Variants in KIF17 observed in about 807,000 individuals in gnomAD.
KIF17 encodes the protein kinesin family member 17, also known as kinesin-like protein KIF17.
In KIF17, 80 loss-of-function variants were observed where a neutral mutation model predicts 96.8. The observed-to-expected ratio is 0.83, with a 90% confidence interval of 0.69 to 1.00. The LOEUF (loss-of-function observed/expected upper bound fraction) is 1.00, where lower values mean the gene tolerates loss of function less well. Ranked by LOEUF, KIF17 falls within the 50% of genes least tolerant of loss-of-function variation. The pLI is 0.00. For synonymous variants in KIF17, 567 were observed against 587.5 expected (o/e 0.97, Z 0.51); for missense variants, 1,280 against 1,372.9 (o/e 0.93, Z 1.07).
intron 13 of KIF17, among the ~76,000 whole-genome samples, chr1:20,668,318 A>T (rs879821668): frequency 1.5e-4 from 23 of 152,192 alleles, no homozygotes; most frequent in Non-Finnish European, 2.8e-4. Context: ...TCAAAAAAAA[A>T]AAAAGAGGTG....
At chr1:20,681,142 C>T (rs1279505377) in intron 11 of KIF17, among the ~76,000 whole-genome samples, 13 of 148,334 alleles carry the variant, frequency 8.8e-5, no homozygotes, top group Non-Finnish European at 1.6e-4. Flanking sequence ...AAAAAAAATC[C>T]AGGAAAATAA....
intron 13 of KIF17, among the ~76,000 whole-genome samples, chr1:20,667,782 C>T (rs528016532): frequency 2.6e-5 from 4 of 152,230 alleles, no homozygotes; most frequent in South Asian, 2.1e-4. Flanking sequence ...CCAAGGCAGG[C>T]GGATCACCTG....
At position 20,696,880 on chromosome 1, in the gene KIF17, G is replaced by A. The variant is rs184937394; in HGVS notation, c.1233+1499C>T. Among the ~76,000 whole-genome samples, 168 of 152,254 alleles carry A rather than the reference G, an allele frequency of 1.1e-3. 1 individual carries two copies. The highest frequency in any genetic ancestry group is 3.9e-3 in the African/African-American group (164 of 41,542). The stretch of plus-strand genomic sequence containing the variant: ...GGCCCCTCCTTGCTAAAGCCTCCCC[G>A]GGAGCCTCCCCAGAGCTACAGGAAG... On this transcript the variant is annotated intron_variant, in intron 6 of 14. Coordinates refer to ENST00000400463, the MANE Select transcript of KIF17 (RefSeq NM_001122819.3).
rs144903116 is a variant in KIF17, at chr1:20,704,632, G to T, written c.938C>A (p.Ser313Ter). 1.2e-6 allele frequency: 2 copies of T among 1,614,150 alleles called. No individual in the cohort carries two copies. The highest frequency in any genetic ancestry group is 2.2e-5 in the South Asian group (2 of 91,082). Residue 313 changes from serine to a stop codon, truncating the protein, a stop_gained, in exon 5 of 15, where the codon TCG (serine) becomes TAG (stop). Transcript: ENST00000400463. LOFTEE classifies it high-confidence loss of function. This position sits in a 1 kb window ranked among gnomAD's most constrained non-coding sequence, Gnocchi z 6.8. ...NTKTLMVACL[S>*]PADNNYDETL... ...CTCATCGTAGTTGTTGTCCGCAGGC[G>T]ACAGGCAGGCCACCATGAGCGTCTT...
chr1:20,664,250 C>T lies in KIF17; in HGVS notation c.*334G>A, dbSNP rs559640591. 7.9e-6 allele frequency: 8 copies of T among 1,010,212 alleles called. No homozygotes were observed. Among genetic ancestry groups the T allele is most frequent in the East Asian group, 4.5e-5 (1 of 22,222 alleles). The allele number at this position is 1,010,212 out of a possible 1,614,324, so 62.6% of individuals were successfully genotyped here. On this transcript the variant is annotated 3_prime_UTR_variant, in exon 15 of 15. Transcript: ENST00000400463. Reference sequence around the variant, plus strand: ...CCTCTCCATCAGGGCTGGTGAAGGCCGTGAAGCAGGTCTCAGGCTTTGAGG... The same window carrying T: ...CCTCTCCATCAGGGCTGGTGAAGGCTGTGAAGCAGGTCTCAGGCTTTGAGG...
At chr1:20,692,560 C>G (rs2054058463) in intron 6 of KIF17, among the ~76,000 whole-genome samples, 1 of 151,798 alleles carries the variant, frequency 6.6e-6, no homozygotes, top group Non-Finnish European at 1.5e-5. Context: ...GTCGGTCTTG[C>G]AAAGTGATGG....
At chr1:20,701,738 C>T (rs1418990906) in intron 5 of KIF17, among the ~76,000 whole-genome samples, 3 of 152,088 alleles carry the variant, frequency 2.0e-5, no homozygotes, top group South Asian at 2.1e-4. Flanking sequence ...GGTGCTGAGA[C>T]GGCAAGGTGA....
At position 20,717,758 on chromosome 1, in the gene KIF17, G is replaced by T. The variant is rs769225111; in HGVS notation, c.-52C>A. 1.3e-6 allele frequency: 2 copies of T among 1,499,290 alleles called. No individual in the cohort carries two copies. Among genetic ancestry groups the T allele is most frequent in the South Asian group, 1.2e-5 (1 of 80,182 alleles). The allele number at this position is 1,499,290 out of a possible 1,614,324, so 92.9% of individuals were successfully genotyped here. A position where few individuals can be genotyped will look rare whatever the true frequency, so the allele number is the denominator to read the frequency against. ...CAGAGCTGACCCCCGCCCCGCCGGG[G>T]ACTCCCAGCAGCCCGGGCCAAGGGG... is the stretch of plus-strand genomic sequence containing the variant. On this transcript the variant is annotated 5_prime_UTR_variant, in exon 1 of 15. Transcript: ENST00000400463.
rs771593138 is a variant in KIF17 at position 20,670,475 on chromosome 1, T to C, written c.2736A>G (p.Pro912=). The change falls in exon 13 of 15, where the codon CCA becomes CCG. Residue 912 remains proline, a synonymous_variant. Coordinates refer to ENST00000400463, the MANE Select transcript of KIF17 (RefSeq NM_001122819.3). ...AGGTTTTGCGGGCTGGTTTGTTCTG[T>C]GGCCCAGTTGAAACTGCTATGAGAA... is the stretch of plus-strand genomic sequence containing the variant. The part of the protein sequence containing the change: ...KTSLPVVSTG[P]QNKPARKTSA... The C allele has an allele frequency of 1.2e-6, 2 of 1,614,100 alleles. No individual in the cohort carries two copies. Among genetic ancestry groups the C allele is most frequent in the South Asian group, 2.2e-5 (2 of 91,086 alleles).
Position 20,700,662 on chromosome 1 carries a change from A to T in KIF17, c.1124-2174T>A, listed in dbSNP as rs1463786774. Among the ~76,000 whole-genome samples, 4 of 152,180 alleles carry T rather than the reference A, an allele frequency of 2.6e-5. No individual in the cohort carries two copies. Among genetic ancestry groups the T allele is most frequent in the African/African-American group, 9.7e-5 (4 of 41,430 alleles). On this transcript the variant is annotated intron_variant, in intron 5 of 14. Coordinates refer to ENST00000400463, the MANE Select transcript of KIF17 (RefSeq NM_001122819.3). This position sits in a 1 kb window ranked among gnomAD's most constrained non-coding sequence, Gnocchi z 4.6. ...TCTTTTCTACATTGCTTTATGTTCT[A>T]TTATCTTGAGGGACTTGCTGGGCAG...
At chr1:20,696,661 G>C (rs943172772) in intron 6 of KIF17, among the ~76,000 whole-genome samples, 6 of 152,154 alleles carry the variant, frequency 3.9e-5, no homozygotes, top group Non-Finnish European at 5.9e-5. Context: ...CGGGCTTCCC[G>C]GGAAGGAAGC....
At chr1:20,711,221 C>T (rs2054429574) in intron 3 of KIF17, among the ~76,000 whole-genome samples, 1 of 152,160 alleles carries the variant, frequency 6.6e-6, no homozygotes, top group South Asian at 2.1e-4. Flanking sequence ...GGCTCAGTTA[C>T]AAAGAGGATG....
rs952929329 is a variant in KIF17 at position 20,685,316 on chromosome 1, T to C, written c.2020-296A>G. 3.7e-5 allele frequency: 21 copies of C among 565,796 alleles called. No homozygotes were observed. Among genetic ancestry groups the C allele is most frequent in the Non-Finnish European group, 6.7e-5 (20 of 298,022 alleles). 35.0% of individuals were successfully genotyped at this position (565,796 alleles called of 1,614,324 possible). On this transcript the variant is annotated intron_variant, in intron 9 of 14. Coordinates refer to ENST00000400463, the MANE Select transcript of KIF17 (RefSeq NM_001122819.3). This position sits in a 1 kb window ranked among gnomAD's most constrained non-coding sequence, Gnocchi z 4.1. ...TAAAATAGAAACCGATCACATCCCG[T>C]TCCCGATGAGCCCCATGTGACTTCC...
At chr1:20,678,246 C>G (rs939791845) in intron 11 of KIF17, among the ~76,000 whole-genome samples, 7 of 152,098 alleles carry the variant, frequency 4.6e-5, no homozygotes, top group African/African-American at 1.7e-4. Context: ...ACCACAAGAA[C>G]AGTATGGGGG....
In KIF17 at chr1:20,690,341, GGGGTGGGA is replaced by G; in HGVS notation, c.1234-14_1234-7del. 6.3e-7 allele frequency: 1 copy of G among 1,599,602 alleles called. No homozygotes were observed. The highest frequency in any genetic ancestry group is 1.3e-5 in the African/African-American group (1 of 74,478). ...GCCAGGCGCTCTTCATACTCCTGGG[GGGGTGGGA>G]GGGACCAGAGGGCAGGCAGCATTTT... On this transcript the variant is annotated splice_polypyrimidine_tract_variant and splice_region_variant and intron_variant, in intron 6 of 14. Transcript: ENST00000400463.
chr1:20,692,111 T>C (rs1570458204), intron 6 of KIF17, among the ~76,000 whole-genome samples: 1 of 152,168 alleles, frequency 6.6e-6, no homozygotes, highest in Non-Finnish European at 1.5e-5. Flanking sequence ...GCTCCTCAAC[T>C]TGACCTGAGA....
Position 20,686,104 on chromosome 1 carries a change from A to G in KIF17, c.1961T>C (p.Leu654Pro), listed in dbSNP as rs1230157568. 2 of 1,568,016 alleles carry G rather than the reference A, an allele frequency of 1.3e-6. No individual in the cohort carries two copies. The highest frequency in any genetic ancestry group is 1.7e-6 in the Non-Finnish European group (2 of 1,156,200). Residue 654 changes from leucine (L) to proline (P), a missense_variant, in exon 9 of 15, where the codon CTG becomes CCG. Leu to Pro is a moderately conservative substitution (Grantham distance 98). Transcript: ENST00000400463. Reference protein sequence around the residue: ...PVQVPAPTDLLEPSDARPEAE... With the variant: ...PVQVPAPTDLPEPSDARPEAE... ...TTCGGGCCTGGCATCACTGGGCTCCAGCAGGTCTGTCGGCGCAGGGACCTG... is the reference window on the plus strand; with the variant it reads ...TTCGGGCCTGGCATCACTGGGCTCCGGCAGGTCTGTCGGCGCAGGGACCTG...
intron 2 of KIF17, among the ~76,000 whole-genome samples, chr1:20,714,774 G>T (rs535430067): frequency 1.7e-4 from 24 of 142,506 alleles, no homozygotes; most frequent in Admixed American, 8.0e-4. Context: ...TCCAGCCTGG[G>T]TGACAGAGCA....
At chr1:20,677,399 C>T (rs1377336864) in intron 11 of KIF17, among the ~76,000 whole-genome samples, 1 of 152,146 alleles carries the variant, frequency 6.6e-6, no homozygotes, top group Admixed American at 6.5e-5. Flanking sequence ...GGAATAGATT[C>T]CAAAGAAACC....
Sources: gnomAD v4.1 joint callset for allele counts (sites outside exome capture counted in the v4.1 genomes callset) on GRCh38, gnomAD v4.1.1 for gene constraint, Gnocchi (gnomAD v3.1) non-coding constraint, MANE v1.5 for transcripts, NCBI Gene and HGNC (gene_info 2026-07-23, HGNC 2026-07-21) for gene names.